Variants in GLS observed in about 807,000 individuals in gnomAD.
GLS encodes the protein glutaminase kidney isoform, mitochondrial.
A neutral mutation model predicts 86.7 loss-of-function variants in GLS; 36 were observed. That is an observed-to-expected ratio of 0.42 (90% CI 0.32 to 0.55). The LOEUF is 0.55. Among genes scored for constraint, GLS ranks in the 20% least tolerant of loss-of-function variants. The pLI is 0.17. For missense variants in GLS, 528 were observed against 833.4 expected (o/e 0.63, Z 4.51); for synonymous variants, 317 against 305.9 (o/e 1.04, Z -0.38).
In GLS at chr2:190,880,954, A is replaced by C; in HGVS notation, c.-131A>C. 8.9e-7 allele frequency: 1 copy of C among 1,117,650 alleles called. No individual in the cohort carries two copies. The highest frequency in any genetic ancestry group is 1.3e-5 in the South Asian group (1 of 74,590). The allele number at this position is 1,117,650 out of a possible 1,614,324, so 69.2% of individuals were successfully genotyped here. On this transcript the variant is annotated 5_prime_UTR_variant, in exon 1 of 18. Transcript: ENST00000320717. ...CGCTGCGGGAGTCCGAGCCGGAACC[A>C]CACCCAAGTAGCTGCCCTTTCCTCT... is the stretch of plus-strand genomic sequence containing the variant.
At position 190,956,014 on chromosome 2, in the gene GLS, G is replaced by T. The variant is rs1217902454; in HGVS notation, c.1853+1196G>T. 6.6e-6 allele frequency among the ~76,000 whole-genome samples: 1 copy of T among 152,148 alleles called. No individual in the cohort carries two copies. The highest frequency in any genetic ancestry group is 6.6e-5 in the Admixed American group (1 of 15,258). ...TTGCTTAACTTCCTTGTAGATTCTG[G>T]ATATTAGCCCTTTGTCAGATGGATA... On this transcript the variant is annotated intron_variant, in intron 17 of 17. Transcript: ENST00000320717. The surrounding 1 kb of genome is among the most constrained non-coding windows in gnomAD (Gnocchi z 4.2).
intron 1 of GLS, among the ~76,000 whole-genome samples, chr2:190,884,341 T>G (rs1688306001): frequency 6.6e-6 from 1 of 152,234 alleles, no homozygotes; most frequent in Admixed American, 6.5e-5. Flanking sequence ...GACTTCAAAT[T>G]TTAAGTCTGT....
intron 14 of GLS, among the ~76,000 whole-genome samples, chr2:190,944,769 C>T (rs192674604): frequency 3.0e-4 from 45 of 152,172 alleles, no homozygotes; most frequent in African/African-American, 9.2e-4. Context: ...TGCTTTTATT[C>T]ACATTCACCC....
Position 190,935,186 on chromosome 2 carries a change from A to G in GLS, c.1650+3549A>G. The G allele has an allele frequency of 1.1e-6, 1 of 896,338 alleles. No homozygotes were observed. Among genetic ancestry groups the G allele is most frequent in the Non-Finnish European group, 1.3e-6 (1 of 749,050 alleles). 55.5% of individuals were successfully genotyped at this position (896,338 alleles called of 1,614,324 possible). A position where few individuals can be genotyped will look rare whatever the true frequency, so the allele number is the denominator to read the frequency against. On this transcript the variant is annotated intron_variant, in intron 14 of 17. Coordinates refer to ENST00000320717, the MANE Select transcript of GLS (RefSeq NM_014905.5). The surrounding 1 kb of genome is among the most constrained non-coding windows in gnomAD (Gnocchi z 4.2). Reference sequence around the variant, plus strand: ...TTTATCTTAGTGTTTGGATGAAAACATTTGTGTTGTTTAGCTTTCATTTGC... The same window carrying G: ...TTTATCTTAGTGTTTGGATGAAAACGTTTGTGTTGTTTAGCTTTCATTTGC...
chr2:190,880,872 CGCAGCAGCA>C lies in GLS; in HGVS notation c.-173_-165del, dbSNP rs57674096. ...AGAACCGGTCGCGGCAATCCTAGCG[CGCAGCAGCA>C]GCAGCAGCAGCAGCAGCAGCAGCAG... On this transcript the variant is annotated 5_prime_UTR_variant, in exon 1 of 18. Coordinates refer to ENST00000320717, the MANE Select transcript of GLS (RefSeq NM_014905.5). 14,627 of 728,690 alleles carry C rather than the reference CGCAGCAGCA, an allele frequency of 0.02. 448 individuals carry two copies. The highest frequency in any genetic ancestry group is 0.085 in the African/African-American group (4,715 of 55,294). 45.1% of individuals were successfully genotyped at this position (728,690 alleles called of 1,614,324 possible). A position where few individuals can be genotyped will look rare whatever the true frequency, so the allele number is the denominator to read the frequency against.
intron 14 of GLS, among the ~76,000 whole-genome samples, chr2:190,948,209 A>G (rs1179008747): frequency 2.0e-5 from 3 of 152,170 alleles, no homozygotes; most frequent in East Asian, 3.8e-4. Context: ...CCAGCTCCAT[A>G]GCTAGCCTTT....
At chr2:190,950,595 TC>T (rs1690694694) in intron 14 of GLS, among the ~76,000 whole-genome samples, 3 of 152,182 alleles carry the variant, frequency 2.0e-5, no homozygotes, top group African/African-American at 7.2e-5. Context: ...CAGAAGCACT[TC>T]TCAGCACCAC....
intron 6 of GLS, among the ~76,000 whole-genome samples, chr2:190,909,472 C>T (rs190994632): frequency 2.0e-5 from 3 of 152,210 alleles, no homozygotes; most frequent in East Asian, 1.9e-4. Context: ...ATCCCTTCTC[C>T]CCCCTCCCCC....
intron 12 of GLS, 82 bp downstream of exon 12, chr2:190,927,564 T>C: frequency 3.1e-6 from 3 of 965,096 alleles, no homozygotes; most frequent in Non-Finnish European, 3.1e-6. Flanking sequence ...TGAACTTTGC[T>C]TCTAAAGCTG....
At chr2:190,908,298 A>G (rs555579622) in intron 6 of GLS, among the ~76,000 whole-genome samples, 2 of 152,286 alleles carry the variant, frequency 1.3e-5, no homozygotes, top group East Asian at 1.9e-4. Context: ...TCTTTAGTAT[A>G]TGTATTAGCA....
At position 190,914,081 on chromosome 2, in the gene GLS, T is replaced by G. The variant is rs1689444688; in HGVS notation, c.1038+3760T>G. ...TGCTGGGATGACAGGCATTAGCCAC[T>G]CTACTTGGCATGCCTCATTCTAGTG... is the stretch of plus-strand genomic sequence containing the variant. On this transcript the variant is annotated intron_variant, in intron 7 of 17. Coordinates refer to ENST00000320717, the MANE Select transcript of GLS (RefSeq NM_014905.5). The surrounding 1 kb of genome is among the most constrained non-coding windows in gnomAD (Gnocchi z 4.4). Among the ~76,000 whole-genome samples the G allele has an allele frequency of 6.6e-6, 1 of 152,226 alleles. No homozygotes were observed. Among genetic ancestry groups the G allele is most frequent in the Non-Finnish European group, 1.5e-5 (1 of 68,038 alleles).
intron 7 of GLS, among the ~76,000 whole-genome samples, chr2:190,919,319 T>C (rs1689659751): frequency 6.6e-6 from 1 of 152,174 alleles, no homozygotes; most frequent in Non-Finnish European, 1.5e-5. Context: ...TTAATTGTGC[T>C]TTAATTTAGT....
rs1352275432 is a variant in GLS at position 190,880,992 on chromosome 2, C to G, written c.-93C>G. 7.2e-7 allele frequency: 1 copy of G among 1,381,942 alleles called. No individual in the cohort carries two copies. Among genetic ancestry groups the G allele is most frequent in the Admixed American group, 2.0e-5 (1 of 49,206 alleles). The allele number at this position is 1,381,942 out of a possible 1,614,324, so 85.6% of individuals were successfully genotyped here. The stretch of plus-strand genomic sequence containing the variant: ...TGCCCTTTCCTCTTCTGTCATCTCA[C>G]CGCCCCACCACAGACCGCGTTCCCC... On this transcript the variant is annotated 5_prime_UTR_variant, in exon 1 of 18. Transcript: ENST00000320717.
chr2:190,885,091 C>T (rs916018478), intron 1 of GLS, among the ~76,000 whole-genome samples: 6 of 151,958 alleles, frequency 3.9e-5, no homozygotes, highest in Admixed American at 3.9e-4. Context: ...TTTCAGCTAG[C>T]TTTAGTTAGT....
intron 4 of GLS, among the ~76,000 whole-genome samples, chr2:190,901,548 CTACT>C (rs1161069877): frequency 1.3e-5 from 2 of 151,708 alleles, no homozygotes; most frequent in Non-Finnish European, 2.9e-5. Context: ...TAAATACTTA[CTACT>C]TACTTTTAAA....
In GLS at chr2:190,902,943, GT is replaced by G. The variant is rs372025953; in HGVS notation, c.815+918del. ...AGCTTGAAAAGTTTATATCAGAGTTGTAATTTTACCTAAATTTCGTTAAAAC... is the reference window on the plus strand; with the variant it reads ...AGCTTGAAAAGTTTATATCAGAGTTGAATTTTACCTAAATTTCGTTAAAAC... On this transcript the variant is annotated intron_variant, in intron 5 of 17. Transcript: ENST00000320717. Among the ~76,000 whole-genome samples, 23 of 152,198 alleles carry G rather than the reference GT, an allele frequency of 1.5e-4. No homozygotes were observed. In the East Asian group the frequency reaches 4.2e-3, roughly 28 times the overall value.
At chr2:190,909,734 C>G (rs567565531) in intron 6 of GLS, among the ~76,000 whole-genome samples, 32 of 152,220 alleles carry the variant, frequency 2.1e-4, no homozygotes, top group African/African-American at 7.2e-4. Context: ...TCAGGAAATA[C>G]AGAAAGCCTA....
chr2:190,937,298 G>T (rs542491467), intron 14 of GLS, among the ~76,000 whole-genome samples: 41 of 151,390 alleles, frequency 2.7e-4, no homozygotes, highest in Non-Finnish European at 4.9e-4. Flanking sequence ...ATTTAATTGG[G>T]TTGGGGGAAG....
chr2:190,885,585 G>T (rs1240796416), intron 1 of GLS, among the ~76,000 whole-genome samples: 2 of 152,174 alleles, frequency 1.3e-5, no homozygotes, highest in Admixed American at 6.5e-5. Flanking sequence ...AGTTGAGTTA[G>T]TATTTGGCAG....
Sources: gnomAD v4.1 joint callset for allele counts (sites outside exome capture counted in the v4.1 genomes callset) on GRCh38, gnomAD v4.1.1 for gene constraint, Gnocchi (gnomAD v3.1) non-coding constraint, MANE v1.5 for transcripts, NCBI Gene and HGNC (gene_info 2026-07-23, HGNC 2026-07-21) for gene names.